PROSER2: variants seen among roughly 807,000 people sequenced by gnomAD.
PROSER2 encodes proline and serine-rich protein 2.
A neutral mutation model predicts 14.6 loss-of-function variants in PROSER2; 18 were observed. The observed-to-expected ratio is 1.23, with a 90% confidence interval of 0.85 to 1.83. The LOEUF is 1.83. PROSER2 is among the 40% of genes most tolerant of loss of function. PROSER2 has a pLI of 0.00. For synonymous variants in PROSER2, 367 were observed against 286.4 expected, an observed-to-expected ratio of 1.28 and a Z score of -2.84; for missense variants, 823 against 629.8, an observed-to-expected ratio of 1.31 and a Z score of -3.28.
chr10:11,847,498 A>G (rs1321673824), intron 1 of PROSER2, among the ~76,000 whole-genome samples: 1 of 151,310 alleles, frequency 6.6e-6, no homozygotes, highest in East Asian at 1.9e-4. Context: ...GCTCACTGCA[A>G]CCTCCACCTC....
chr10:11,842,139 T>C (rs899214735), intron 1 of PROSER2, among the ~76,000 whole-genome samples: 1 of 151,882 alleles, frequency 6.6e-6, no homozygotes, highest in Non-Finnish European at 1.5e-5. Context: ...AGAGAATCGC[T>C]TGAACCCGGG....
intron 1 of PROSER2, among the ~76,000 whole-genome samples, chr10:11,846,274 A>C (rs1833922544): frequency 6.6e-6 from 1 of 152,154 alleles, no homozygotes. Context: ...GGTGTGAGCC[A>C]CCATGCCTGG....
chr10:11,854,528 T>A lies in PROSER2; in HGVS notation c.138+2313T>A, dbSNP rs531144018. ...GTCTTGCTATGTTGAACAGGCTGGT[T>A]TAGAATTCCTGGCCTCAAGCAATCC... On this transcript the variant is annotated intron_variant, in intron 2 of 3. Transcript: ENST00000277570. 3.9e-5 allele frequency among the ~76,000 whole-genome samples: 6 copies of A among 152,218 alleles called. No homozygotes were observed. The South Asian group carries it at 1.2e-3, about 32-fold the overall frequency.
intron 1 of PROSER2, among the ~76,000 whole-genome samples, chr10:11,834,628 A>G (rs1223874745): frequency 1.3e-5 from 2 of 151,824 alleles, no homozygotes; most frequent in African/African-American, 2.4e-5. Flanking sequence ...CCAGCTACTC[A>G]GGAAGCTGAG....
In PROSER2 at chr10:11,851,979, C is replaced by T. The variant is rs1414656685; in HGVS notation, c.-81-18C>T. ...TCTCGGCTTACTGACCATTGTCATT[C>T]GTGTTTGGTGTCTCTAGGAGTGAGC... On this transcript the variant is annotated intron_variant, in intron 1 of 3. Transcript: ENST00000277570. The T allele has an allele frequency of 1.6e-5, 21 of 1,276,890 alleles. No homozygotes were observed. The highest frequency in any genetic ancestry group is 2.0e-5 in the Non-Finnish European group (20 of 977,558). 79.1% of individuals were successfully genotyped at this position (1,276,890 alleles called of 1,614,324 possible). A position where few individuals can be genotyped will look rare whatever the true frequency, so the allele number is the denominator to read the frequency against.
rs5783232 is a variant in PROSER2, at chr10:11,829,835, A to ATTT, written c.-82+6390_-82+6392dup. ...ATTTTCTTTTTTTTCTTTACTTCTG[A>ATTT]TTTTTTTTTTTTTTTTTTTTTTTTT... On this transcript the variant is annotated intron_variant, in intron 1 of 3. Coordinates refer to ENST00000277570, the MANE Select transcript of PROSER2 (RefSeq NM_153256.4). Among the ~76,000 whole-genome samples the ATTT allele has an allele frequency of 1.8e-3, 120 of 66,268 alleles. 13 individuals are homozygous for ATTT. The highest frequency in any genetic ancestry group is 4.4e-3 in the East Asian group (8 of 1,820). 43.5% of individuals were successfully genotyped at this position (66,268 alleles called of 152,430 possible).
rs1054053234 is a variant in PROSER2, at chr10:11,856,844, G to A, written c.138+4629G>A. ...CGGGCCGGAGCAAAGTCTGAGGAGT[G>A]TGCTAGAAATCTGATGTGCTGTTTG... On this transcript the variant is annotated intron_variant, in intron 2 of 3. Transcript: ENST00000277570. This position sits in a 1 kb window ranked among gnomAD's most constrained non-coding sequence, Gnocchi z 5.3. 1.2e-4 allele frequency among the ~76,000 whole-genome samples: 18 copies of A among 152,204 alleles called. No individual in the cohort carries two copies. Among genetic ancestry groups the A allele is most frequent in the Non-Finnish European group, 2.9e-5 (2 of 68,044 alleles).
At chr10:11,832,815 CTCT>C (rs1467348829) in intron 1 of PROSER2, among the ~76,000 whole-genome samples, 1 of 81,960 alleles carries the variant, frequency 1.2e-5, no homozygotes, top group East Asian at 3.3e-4. Context: ...TTTTAGGGTG[CTCT>C]TTTTTTTTTA....
At chr10:11,843,897 T>G (rs1486891429) in intron 1 of PROSER2, among the ~76,000 whole-genome samples, 1 of 142,006 alleles carries the variant, frequency 7.0e-6, no homozygotes, top group African/African-American at 2.5e-5. Context: ...AGGTTGAGGG[T>G]TTTTTTTTTT....
intron 3 of PROSER2, among the ~76,000 whole-genome samples, chr10:11,868,850 C>T (rs1431873705): frequency 6.6e-6 from 1 of 152,024 alleles, no homozygotes; most frequent in Non-Finnish European, 1.5e-5. Context: ...AAGGTTTCAC[C>T]ACGTTGGCCA....
chr10:11,829,989 G>A (rs528210343), intron 1 of PROSER2, among the ~76,000 whole-genome samples: 36 of 151,988 alleles, frequency 2.4e-4, no homozygotes, highest in South Asian at 8.3e-4. Context: ...GACTACAGGC[G>A]TGTGCCCCCA....
chr10:11,825,813 C>T (rs1055012910), intron 1 of PROSER2, among the ~76,000 whole-genome samples: 8 of 152,156 alleles, frequency 5.3e-5, no homozygotes, highest in African/African-American at 1.9e-4. Context: ...CGTGTCTCTT[C>T]GGACTAGGTA....
In PROSER2 at chr10:11,856,262, G is replaced by A. The variant is rs926370992; in HGVS notation, c.138+4047G>A. Among the ~76,000 whole-genome samples the A allele has an allele frequency of 6.6e-6, 1 of 152,140 alleles. No individual in the cohort carries two copies. Among genetic ancestry groups the A allele is most frequent in the Non-Finnish European group, 1.5e-5 (1 of 68,036 alleles). ...CGGCTCTGGGTGTTTGGTTACCACC[G>A]TCACCCTCTAAGGCCTGTGTCTCCA... On this transcript the variant is annotated intron_variant, in intron 2 of 3. Transcript: ENST00000277570. The surrounding 1 kb of genome is among the most constrained non-coding windows in gnomAD (Gnocchi z 5.3).
Position 11,836,491 on chromosome 10 carries a change from C to T in PROSER2, c.-82+13021C>T, listed in dbSNP as rs916168754. ...GGATTACAGGTGTGAGCCACCACGC[C>T]TGGCCAGGATGTCGCTTTAAAGACA... is the stretch of plus-strand genomic sequence containing the variant. On this transcript the variant is annotated intron_variant, in intron 1 of 3. Coordinates refer to ENST00000277570, the MANE Select transcript of PROSER2 (RefSeq NM_153256.4). This position sits in a 1 kb window ranked among gnomAD's most constrained non-coding sequence, Gnocchi z 4.6. Among the ~76,000 whole-genome samples, 9 of 152,216 alleles carry T rather than the reference C, an allele frequency of 5.9e-5. No homozygotes were observed. Among genetic ancestry groups the T allele is most frequent in the Non-Finnish European group, 1.0e-4 (7 of 68,042 alleles).
At position 11,869,536 on chromosome 10, in the gene PROSER2, T is replaced by G. The variant is rs575039739; in HGVS notation, c.438T>G (p.Thr146=). ...GKEHRKQDAE[T]PPPPDPPAPE... Reference sequence around the variant, plus strand: ...AGCACAGGAAACAAGATGCTGAGACTCCTCCACCTCCAGACCCCCCGGCTC... The same window carrying G: ...AGCACAGGAAACAAGATGCTGAGACGCCTCCACCTCCAGACCCCCCGGCTC... The change falls in exon 4 of 4, where the codon ACT becomes ACG. Residue 146 remains threonine, a synonymous_variant. Coordinates refer to ENST00000277570, the MANE Select transcript of PROSER2 (RefSeq NM_153256.4). The surrounding 1 kb of genome is among the most constrained non-coding windows in gnomAD (Gnocchi z 4.4). The G allele has an allele frequency of 3.8e-5, 61 of 1,613,548 alleles. No homozygotes were observed. In the East Asian group the frequency reaches 8.3e-4, roughly 22 times the overall value.
Position 11,869,896 on chromosome 10 carries a change from G to C in PROSER2, c.798G>C (p.Glu266Asp). ...NIIVTNGAAR[E>D]PRRTLSRAAV... ...TCGTCACCAACGGCGCGGCCCGGGA[G>C]CCCCGCAGGACCCTGTCCAGGGCGG... Residue 266 changes from glutamate to aspartate, a missense_variant, in exon 4 of 4, where the codon GAG (glutamate) becomes GAC (aspartate). Glu to Asp is a conservative substitution (Grantham distance 45). Coordinates refer to ENST00000277570, the MANE Select transcript of PROSER2 (RefSeq NM_153256.4). The surrounding 1 kb of genome is among the most constrained non-coding windows in gnomAD (Gnocchi z 4.4). 1 of 1,588,602 alleles carries C rather than the reference G, an allele frequency of 6.3e-7. No individual in the cohort carries two copies. Among genetic ancestry groups the C allele is most frequent in the African/African-American group, 1.3e-5 (1 of 74,418 alleles).
intron 2 of PROSER2, among the ~76,000 whole-genome samples, chr10:11,861,192 C>T (rs1834230577): frequency 6.6e-6 from 1 of 152,150 alleles, no homozygotes; most frequent in African/African-American, 2.4e-5. Context: ...ATGACTGTGC[C>T]TTGTTCCTTG....
rs1274146513 is a variant in PROSER2, at chr10:11,836,598, A to G, written c.-82+13128A>G. The stretch of plus-strand genomic sequence containing the variant: ...ATGGTATGCACGCCGGCCCCTTCCT[A>G]GCGTGTAGGTGTGCACTTTGACCCT... On this transcript the variant is annotated intron_variant, in intron 1 of 3. Coordinates refer to ENST00000277570, the MANE Select transcript of PROSER2 (RefSeq NM_153256.4). This position sits in a 1 kb window ranked among gnomAD's most constrained non-coding sequence, Gnocchi z 4.6. Among the ~76,000 whole-genome samples the G allele has an allele frequency of 6.6e-6, 1 of 152,132 alleles. No individual in the cohort carries two copies. Among genetic ancestry groups the G allele is most frequent in the East Asian group, 1.9e-4 (1 of 5,198 alleles).
intron 2 of PROSER2, among the ~76,000 whole-genome samples, chr10:11,854,744 A>G (rs1028638714): frequency 6.6e-6 from 1 of 151,976 alleles, no homozygotes; most frequent in Non-Finnish European, 1.5e-5. Flanking sequence ...TTTTCCTACT[A>G]AAGTTTTTTA....
Sources: allele counts gnomAD v4.1 joint callset (sites outside exome capture counted in the v4.1 genomes callset), GRCh38; gene constraint gnomAD v4.1.1; non-coding constraint Gnocchi (gnomAD v3.1); transcripts MANE v1.5; gene names NCBI Gene and HGNC (gene_info 2026-07-23, HGNC 2026-07-21).